MMP16: variants seen among roughly 807,000 people sequenced by gnomAD.
MMP16 encodes the protein matrix metalloproteinase-16.
MMP16 carries 12 observed loss-of-function variants against 67.8 expected under a neutral mutation model. That is an observed-to-expected ratio of 0.18 (90% confidence interval 0.11 to 0.29). The LOEUF (loss-of-function observed/expected upper bound fraction) is 0.29. Ranked by LOEUF, MMP16 falls within the 10% of genes least tolerant of loss-of-function variation. The probability of loss-of-function intolerance (pLI) is 1.00; values close to 1 mark genes in which losing one functional copy is unlikely to be tolerated. For synonymous variants in MMP16, 249 were observed against 255.9 expected, an observed-to-expected ratio of 0.97 and a Z score of 0.26; for missense variants, 475 against 765.7, an observed-to-expected ratio of 0.62 and a Z score of 4.48.
chr8:88,290,938 C>A (rs1415632675), intron 1 of MMP16, among the ~76,000 whole-genome samples: 2 of 151,986 alleles, frequency 1.3e-5, no homozygotes, highest in Non-Finnish European at 2.9e-5. Context: ...TGAAGAGATT[C>A]TCCGATTCTA....
chr8:88,281,254 A>G (rs925940309), intron 1 of MMP16, among the ~76,000 whole-genome samples: 2 of 152,254 alleles, frequency 1.3e-5, no homozygotes, highest in Non-Finnish European at 2.9e-5. Flanking sequence ...GAATTCATTT[A>G]GGGCTCATCT....
At chr8:88,121,369 C>T (rs943184646) in intron 4 of MMP16, among the ~76,000 whole-genome samples, 2 of 151,932 alleles carry the variant, frequency 1.3e-5, no homozygotes, top group African/African-American at 4.8e-5. Flanking sequence ...CAAGTAATTA[C>T]CATTCTTCAG....
intron 1 of MMP16, among the ~76,000 whole-genome samples, chr8:88,219,029 C>T (rs760300626): frequency 3.3e-5 from 5 of 151,814 alleles, no homozygotes; most frequent in Admixed American, 1.3e-4. Context: ...ATAAATATCT[C>T]GGGCCTCACA....
At chr8:88,318,564 T>C (rs1271048473) in intron 1 of MMP16, among the ~76,000 whole-genome samples, 1 of 152,176 alleles carries the variant, frequency 6.6e-6, no homozygotes, top group African/African-American at 2.4e-5. Context: ...TTCTCACCTG[T>C]ATTTATTCGT....
At position 88,116,662 on chromosome 8, in the gene MMP16, G is replaced by A. The variant is rs202054317; in HGVS notation, c.928C>T (p.Arg310Cys). The stretch of plus-strand genomic sequence containing the variant: ...CTTGGGTCAGCCGGAGGAATAGAGC[G>A]GTGTGGGGGCACTGTCGGTAGAGGT... Reference protein sequence around the residue: ...TRPLPTVPPHRSIPPADPRKN... With the variant: ...TRPLPTVPPHCSIPPADPRKN... The change falls in exon 6 of 10, where the codon CGC (arginine) becomes TGC (cysteine). Residue 310 changes from arginine to cysteine, a missense_variant. By Grantham distance (180) the Arg-to-Cys change is radical. Around this residue, in one of 5 missense-constraint regions of MMP16, gnomAD observed 195 missense variants for 300.9 expected, o/e 0.65. Coordinates refer to ENST00000286614, the MANE Select transcript of MMP16 (RefSeq NM_005941.5). The A allele has an allele frequency of 3.2e-5, 51 of 1,613,842 alleles. No individual in the cohort carries two copies. The highest frequency in any genetic ancestry group is 1.7e-4 in the Middle Eastern group (1 of 6,060).
intron 6 of MMP16, among the ~76,000 whole-genome samples, chr8:88,094,802 T>A (rs1437885514): frequency 6.6e-6 from 1 of 151,762 alleles, no homozygotes; most frequent in Non-Finnish European, 1.5e-5. Flanking sequence ...GAAAAACTGT[T>A]AGCCCCTTGT....
chr8:88,285,342 G>C (rs1439928728), intron 1 of MMP16, among the ~76,000 whole-genome samples: 2 of 152,060 alleles, frequency 1.3e-5, no homozygotes, highest in Non-Finnish European at 2.9e-5. Flanking sequence ...GTTTCACCAG[G>C]TTGGCCAGGC....
chr8:88,098,464 C>T (rs560554713), intron 6 of MMP16, among the ~76,000 whole-genome samples: 1 of 151,996 alleles, frequency 6.6e-6, no homozygotes, highest in African/African-American at 2.4e-5. Context: ...GATCCAGTGT[C>T]ATCAGCCCCT....
At chr8:88,312,651 A>C (rs536518547) in intron 1 of MMP16, among the ~76,000 whole-genome samples, 1 of 152,184 alleles carries the variant, frequency 6.6e-6, no homozygotes, top group African/African-American at 2.4e-5. Flanking sequence ...GCAATCACTG[A>C]TCTGCTTTCT....
At chr8:88,265,056 A>G (rs1810453114) in intron 1 of MMP16, among the ~76,000 whole-genome samples, 2 of 152,078 alleles carry the variant, frequency 1.3e-5, no homozygotes, top group African/African-American at 4.8e-5. Flanking sequence ...CTGATCAAAT[A>G]TTTCCTATTT....
intron 6 of MMP16, among the ~76,000 whole-genome samples, chr8:88,112,187 CTT>C (rs60025472): frequency 1.4e-3 from 204 of 141,524 alleles, no homozygotes; most frequent in East Asian, 5.0e-3. Flanking sequence ...GGCAACTATC[CTT>C]TTTTTTTTTT....
At chr8:88,295,102 C>T (rs966422392) in intron 1 of MMP16, among the ~76,000 whole-genome samples, 4 of 152,188 alleles carry the variant, frequency 2.6e-5, no homozygotes, top group Admixed American at 2.0e-4. Flanking sequence ...TAAGTATCCC[C>T]TTTATCCTAC....
intron 7 of MMP16, among the ~76,000 whole-genome samples, chr8:88,059,747 A>C (rs998248021): frequency 6.6e-6 from 1 of 152,054 alleles, no homozygotes; most frequent in South Asian, 2.1e-4. Flanking sequence ...CTGCAGAGTA[A>C]GCTATGGAGA....
chr8:88,056,103 T>C (rs1178129059), intron 8 of MMP16, 25 bp downstream of exon 8: 3 of 1,418,614 alleles, frequency 2.1e-6, no homozygotes, highest in Admixed American at 2.3e-5. Flanking sequence ...ATTAACTGTT[T>C]TTCTCATGAG....
chr8:88,187,400 A>C (rs2129756485), intron 2 of MMP16, among the ~76,000 whole-genome samples: 1 of 152,302 alleles, frequency 6.6e-6, no homozygotes, highest in African/African-American at 2.4e-5. Flanking sequence ...TTATCTAAGT[A>C]GAAAGATTTT....
intron 1 of MMP16, among the ~76,000 whole-genome samples, chr8:88,294,837 T>G (rs1810988275): frequency 6.6e-6 from 1 of 152,154 alleles, no homozygotes; most frequent in Non-Finnish European, 1.5e-5. Flanking sequence ...TTCAGCCTCC[T>G]GAGAAGCTGG....
At chr8:88,219,058 G>T (rs1054093434) in intron 1 of MMP16, among the ~76,000 whole-genome samples, 1 of 151,458 alleles carries the variant, frequency 6.6e-6, no homozygotes, top group Non-Finnish European at 1.5e-5. Context: ...ATGCTGGTGA[G>T]GTAAGAAAGA....
At chr8:88,063,491 T>A (rs1394057786) in intron 7 of MMP16, among the ~76,000 whole-genome samples, 1 of 151,774 alleles carries the variant, frequency 6.6e-6, no homozygotes, top group African/African-American at 2.4e-5. Context: ...CCTTTTTTTT[T>A]TTTTTTTCAG....
In MMP16 at chr8:88,056,458, T is replaced by A. The variant is rs1443283349; in HGVS notation, c.1223-180A>T. On this transcript the variant is annotated intron_variant, in intron 7 of 9. Coordinates refer to ENST00000286614, the MANE Select transcript of MMP16 (RefSeq NM_005941.5). ...TGTCCCATCTGGAATATTAATGTTA[T>A]CTTTGAAATATCATTCAGAAGTGGA... Among the ~76,000 whole-genome samples, 5 of 150,974 alleles carry A rather than the reference T, an allele frequency of 3.3e-5. No homozygotes were observed. In the East Asian group the frequency reaches 9.7e-4, roughly 29 times the overall value.
Sources: allele counts gnomAD v4.1 joint callset (sites outside exome capture counted in the v4.1 genomes callset), GRCh38; gene constraint gnomAD v4.1.1; regional missense constraint gnomAD v4.1.1; transcripts MANE v1.5; gene names NCBI Gene and HGNC (gene_info 2026-07-23, HGNC 2026-07-21).